The following MYRFL variants were observed in gnomAD, a reference collection of about 807,000 sequenced individuals.
The protein encoded by MYRFL is myelin regulatory factor like, also known as myelin regulatory factor-like protein.
MYRFL carries 88 observed loss-of-function variants against 109.4 expected under a neutral mutation model. The observed-to-expected ratio is 0.80, with a 90% CI of 0.68 to 0.96. The LOEUF is 0.96. Among genes scored for constraint, MYRFL ranks in the 40% least tolerant of loss-of-function variants. MYRFL has a pLI of 0.00. For missense variants in MYRFL, 957 were observed against 954.9 expected, an observed-to-expected ratio of 1.00 and a Z score of -0.03; for synonymous variants, 324 against 320.9, an observed-to-expected ratio of 1.01 and a Z score of -0.10.
intron 5 of MYRFL, among the ~76,000 whole-genome samples, chr12:69,883,642 C>T (rs1422743039): frequency 2.0e-5 from 3 of 149,640 alleles, no homozygotes; most frequent in Non-Finnish European, 4.4e-5. Flanking sequence ...GTGGGTGGAT[C>T]GCTTGAGCCC....
At chr12:69,882,376 A>G (rs945650208) in intron 5 of MYRFL, among the ~76,000 whole-genome samples, 3 of 152,224 alleles carry the variant, frequency 2.0e-5, no homozygotes. Flanking sequence ...TTCTTATTAC[A>G]GTTTGTATTT....
chr12:69,934,795 G>A (rs1955393700), intron 16 of MYRFL, among the ~76,000 whole-genome samples: 1 of 152,164 alleles, frequency 6.6e-6, no homozygotes, highest in Non-Finnish European at 1.5e-5. Flanking sequence ...TGTTTTTATA[G>A]GCACAGGATA....
intron 5 of MYRFL, among the ~76,000 whole-genome samples, chr12:69,881,627 G>C (rs1293876923): frequency 6.6e-6 from 1 of 152,228 alleles, no homozygotes; most frequent in Non-Finnish European, 1.5e-5. Context: ...TGTCAGTCAA[G>C]TCCCACCCAT....
chr12:69,826,123 A>G (rs994031831), intron 1 of MYRFL, among the ~76,000 whole-genome samples: 24 of 152,124 alleles, frequency 1.6e-4, no homozygotes, highest in African/African-American at 5.6e-4. Flanking sequence ...ATAGTAAACA[A>G]TGCTGAACAC....
intron 7 of MYRFL, 63 bp downstream of exon 7, chr12:69,891,229 G>T (rs1886780064): frequency 2.5e-6 from 3 of 1,206,512 alleles, no homozygotes; most frequent in Non-Finnish European, 2.2e-6. Context: ...GTTGTCTATT[G>T]CTGCATGACA....
intron 13 of MYRFL, among the ~76,000 whole-genome samples, chr12:69,926,345 A>G (rs997386835): frequency 6.6e-6 from 1 of 152,100 alleles, no homozygotes; most frequent in East Asian, 1.9e-4. Flanking sequence ...TCATATTTTC[A>G]CTTTATTGGA....
At chr12:69,851,355 A>G (rs1883864510) in intron 1 of MYRFL, among the ~76,000 whole-genome samples, 1 of 152,348 alleles carries the variant, frequency 6.6e-6, no homozygotes, top group Non-Finnish European at 1.5e-5. Flanking sequence ...AAGTTGAAAG[A>G]AATAATTTTT....
At chr12:69,858,498 A>C (rs997249194) in intron 2 of MYRFL, among the ~76,000 whole-genome samples, 1 of 151,936 alleles carries the variant, frequency 6.6e-6, no homozygotes, top group Non-Finnish European at 1.5e-5. Context: ...GGAGGGTCTT[A>C]AATACAAATT....
intron 2 of MYRFL, among the ~76,000 whole-genome samples, chr12:69,865,876 G>C (rs555905811): frequency 1.2e-4 from 18 of 152,152 alleles, no homozygotes; most frequent in Non-Finnish European, 2.5e-4. Flanking sequence ...AGTTACTATT[G>C]CTGAGCATTT....
At chr12:69,857,792 G>C (rs147715247) in intron 2 of MYRFL, among the ~76,000 whole-genome samples, 73 of 151,624 alleles carry the variant, frequency 4.8e-4, no homozygotes, top group African/African-American at 1.5e-3. Context: ...TATGTTGAAG[G>C]TCATGTCATC....
intron 13 of MYRFL, among the ~76,000 whole-genome samples, chr12:69,916,041 C>A (rs939890742): frequency 1.3e-5 from 2 of 151,880 alleles, no homozygotes; most frequent in Non-Finnish European, 2.9e-5. Context: ...TTTAAGATTG[C>A]ATGCTGTACA....
At chr12:69,856,211 T>G (rs1351350775) in intron 2 of MYRFL, among the ~76,000 whole-genome samples, 1 of 152,180 alleles carries the variant, frequency 6.6e-6, no homozygotes, top group East Asian at 1.9e-4. Context: ...CTCCTTTCAT[T>G]TAGCATAATG....
chr12:69,910,201 T>C, intron 12 of MYRFL, 124 bp downstream of exon 12: 1 of 672,446 alleles, frequency 1.5e-6, no homozygotes, highest in Non-Finnish European at 2.4e-6. Flanking sequence ...TTGTTCTCTG[T>C]GAAACTCATA....
intron 11 of MYRFL, 76 bp downstream of exon 11, chr12:69,903,920 A>T: frequency 7.7e-7 from 1 of 1,304,356 alleles, no homozygotes. Context: ...GGCCTCTGAC[A>T]CACCTTGAAC....
At chr12:69,829,868 G>A (rs758528171) in intron 1 of MYRFL, among the ~76,000 whole-genome samples, 18 of 152,126 alleles carry the variant, frequency 1.2e-4, no homozygotes, top group Non-Finnish European at 2.1e-4. Flanking sequence ...TCTGAAAGCC[G>A]AATGCAGTGT....
At chr12:69,921,581 T>C (rs975115751) in intron 13 of MYRFL, among the ~76,000 whole-genome samples, 8 of 152,106 alleles carry the variant, frequency 5.3e-5, no homozygotes, top group Admixed American at 4.6e-4. Flanking sequence ...TCAACCCCTA[T>C]AATATGTATT....
At chr12:69,941,534 A>G (rs199793099) in intron 19 of MYRFL, among the ~76,000 whole-genome samples, 4,312 of 43,278 alleles carry the variant, frequency 0.1, 379 homozygotes, top group East Asian at 0.42. Context: ...CATTCAAAGC[A>G]GTGTGTAGAG....
rs954698038 is a variant in MYRFL at position 69,914,646 on chromosome 12, G to A, written c.1602+3716G>A. On this transcript the variant is annotated intron_variant, in intron 13 of 24. Transcript: ENST00000552032. ...ATCTTCTCTTTCTATCAGTTCCAAG[G>A]TCCATCCTCCTTCTTCCAGGAGAGG... Among the ~76,000 whole-genome samples the A allele has an allele frequency of 1.2e-4, 19 of 152,150 alleles. 1 individual carries two copies.
intron 2 of MYRFL, among the ~76,000 whole-genome samples, chr12:69,876,033 T>C (rs1885643942): frequency 6.6e-6 from 1 of 152,256 alleles, no homozygotes; most frequent in African/African-American, 2.4e-5. Context: ...GTGCGCAGTC[T>C]GCCCCATATA....
Sources: allele counts gnomAD v4.1 joint callset (sites outside exome capture counted in the v4.1 genomes callset), GRCh38; gene constraint gnomAD v4.1.1; transcripts MANE v1.5; gene names NCBI Gene and HGNC (gene_info 2026-07-23, HGNC 2026-07-21).